Variants in PCDH19 observed in about 807,000 individuals in gnomAD.
The protein encoded by PCDH19 is protocadherin-19.
A neutral mutation model predicts 46.2 loss-of-function variants in PCDH19; 6 were observed. That is an observed-to-expected ratio of 0.13 (90% CI 0.07 to 0.26). The LOEUF is 0.26. PCDH19 is among the 10% of genes least tolerant of loss of function. The probability of loss-of-function intolerance (pLI) is 1.00; values close to 1 mark genes in which losing one functional copy is unlikely to be tolerated. For synonymous variants in PCDH19, 481 were observed against 415.7 expected (o/e 1.16, Z -1.91); for missense variants, 740 against 972.3 (o/e 0.76, Z 3.18).
chrX:100,364,644 C>A (rs1569302907), intron 3 of PCDH19, among the ~76,000 whole-genome samples: 1 of 111,896 alleles, frequency 8.9e-6, no homozygotes, highest in Non-Finnish European at 1.9e-5. Flanking sequence ...ATCTCACCCC[C>A]ACTAGGTTGG....
At chrX:100,314,402 G>A (rs1333602352) in intron 5 of PCDH19, among the ~76,000 whole-genome samples, 1 of 111,998 alleles carries the variant, frequency 8.9e-6, no homozygotes, top group Non-Finnish European at 1.9e-5. Context: ...AGACTGTCCG[G>A]ATGATATTTT....
At chrX:100,315,859 C>A (rs1925286759) in intron 5 of PCDH19, among the ~76,000 whole-genome samples, 1 of 111,779 alleles carries the variant, frequency 8.9e-6, no homozygotes, top group Non-Finnish European at 1.9e-5. Context: ...TTCAGTGAAG[C>A]ACTAATAGGC....
chrX:100,375,198 T>C (rs1037312972), intron 3 of PCDH19, among the ~76,000 whole-genome samples: 1 of 111,960 alleles, frequency 8.9e-6, no homozygotes, highest in East Asian at 2.8e-4. Flanking sequence ...ACACGTGCCA[T>C]GTTGGTGTGC....
Position 100,296,327 on chromosome X carries a change from G to A in PCDH19, c.3397C>T (p.Arg1133Cys), listed in dbSNP as rs778009939. The part of the protein sequence containing the change: ...HEVSPILKEG[R>C]NKESPGVKRL... Reference sequence around the variant, plus strand: ...TTCACACCAGGGGACTCTTTGTTGCGACCTTCCTTCAGAATGGGGCTGACC... The same window carrying A: ...TTCACACCAGGGGACTCTTTGTTGCAACCTTCCTTCAGAATGGGGCTGACC... The change falls in exon 6 of 6, where the codon CGC (arginine) becomes TGC (cysteine). Residue 1133 changes from arginine (R) to cysteine (C), a missense_variant. This residue lies in a region of PCDH19 where 416 missense variants were observed against 476.8 expected (regional missense o/e 0.87). Coordinates refer to ENST00000373034, the MANE Select transcript of PCDH19 (RefSeq NM_001184880.2). 1.7e-6 allele frequency: 2 copies of A among 1,211,349 alleles called. No homozygotes were observed. The highest frequency in any genetic ancestry group is 1.7e-5 in the African/African-American group (1 of 57,695).
At chrX:100,389,697 C>T (rs907971726) in intron 3 of PCDH19, among the ~76,000 whole-genome samples, 23 of 111,488 alleles carry the variant, frequency 2.1e-4, no homozygotes, top group African/African-American at 7.1e-4. Flanking sequence ...CCCAATAAAG[C>T]TGAAAAACAA....
intron 5 of PCDH19, among the ~76,000 whole-genome samples, chrX:100,322,865 A>ATATATATATTTTTTTTTTTTT: frequency 1.8e-5 from 1 of 54,414 alleles, no homozygotes; most frequent in African/African-American, 8.4e-5. Context: ...ATATATATAT[A>ATATATATATTTTTTTTTTTTT]TTTTTGCAGC....
At chrX:100,342,206 G>A in intron 4 of PCDH19, 131 bp from the exon 5 acceptor site, 1 of 570,447 alleles carries the variant, frequency 1.8e-6, no homozygotes, top group South Asian at 2.4e-5. Context: ...TAGGAATAAG[G>A]GGAAGAGAAA....
chrX:100,333,183 GAGAAAGAAAGAA>G lies in PCDH19; in HGVS notation c.2848+8708_2848+8719del, dbSNP rs755008766. On this transcript the variant is annotated intron_variant, in intron 5 of 5. Coordinates refer to ENST00000373034, the MANE Select transcript of PCDH19 (RefSeq NM_001184880.2). ...GAAGGAAGGAAGGAAGGGAGAGAGA[GAGAAAGAAAGAA>G]AGAAAGAAAGAAAGAAAGAAAGAAA... 0.012 allele frequency among the ~76,000 whole-genome samples: 503 copies of G among 43,431 alleles called. 19 individuals are homozygous for G. In the East Asian group the frequency reaches 0.12, roughly 10 times the overall value. The allele number at this position is 43,431 out of a possible 115,157, so 37.7% of individuals were successfully genotyped here.
intron 5 of PCDH19, among the ~76,000 whole-genome samples, chrX:100,309,161 C>CACACACAT (rs1219737186): frequency 3.7e-5 from 4 of 109,403 alleles, no homozygotes; most frequent in Non-Finnish European, 5.7e-5. Flanking sequence ...CATGCACACA[C>CACACACAT]ACACACACAC....
chrX:100,345,946 C>G (rs924801625), intron 4 of PCDH19, among the ~76,000 whole-genome samples: 6 of 111,854 alleles, frequency 5.4e-5, no homozygotes, highest in African/African-American at 1.9e-4. Context: ...GCTACTCACC[C>G]AAAACAAATA....
intron 5 of PCDH19, among the ~76,000 whole-genome samples, chrX:100,322,852 TATATATA>T (rs1283451783): frequency 2.4e-4 from 14 of 58,295 alleles, no homozygotes; most frequent in Admixed American, 9.1e-4. Context: ...TATATATATA[TATATATA>T]TATATATTTT....
intron 5 of PCDH19, among the ~76,000 whole-genome samples, chrX:100,310,134 AACAG>A (rs1196872453): frequency 8.9e-6 from 1 of 112,243 alleles, no homozygotes; most frequent in Non-Finnish European, 1.9e-5. Flanking sequence ...GAGCTGGTCA[AACAG>A]ACAAAGTTAA....
At chrX:100,375,058 G>T (rs1927331613) in intron 3 of PCDH19, among the ~76,000 whole-genome samples, 1 of 112,636 alleles carries the variant, frequency 8.9e-6, no homozygotes, top group South Asian at 3.7e-4. Flanking sequence ...AAGGTTTGGG[G>T]ACAGCATTAG....
At chrX:100,330,840 G>C (rs1322610849) in intron 5 of PCDH19, among the ~76,000 whole-genome samples, 1 of 111,971 alleles carries the variant, frequency 8.9e-6, no homozygotes, top group Non-Finnish European at 1.9e-5. Flanking sequence ...TGATAAAACA[G>C]GGTTGTCTAT....
At chrX:100,317,347 T>G (rs1925340877) in intron 5 of PCDH19, among the ~76,000 whole-genome samples, 1 of 112,057 alleles carries the variant, frequency 8.9e-6, no homozygotes, top group Non-Finnish European at 1.9e-5. Context: ...CTGAATTTAA[T>G]CCTATTTATC....
intron 5 of PCDH19, among the ~76,000 whole-genome samples, chrX:100,336,361 A>G (rs1926086996): frequency 8.9e-6 from 1 of 112,410 alleles, no homozygotes; most frequent in African/African-American, 3.2e-5. Context: ...ACAAAATTAC[A>G]TATTGTTGGT....
intron 3 of PCDH19, among the ~76,000 whole-genome samples, chrX:100,389,457 G>A (rs1020037632): frequency 9.9e-5 from 11 of 110,921 alleles, no homozygotes; most frequent in Non-Finnish European, 1.7e-4. Context: ...AAGTTCTGGA[G>A]ATTTAATGTC....
At chrX:100,353,552 A>G (rs1926627809) in intron 3 of PCDH19, among the ~76,000 whole-genome samples, 1 of 111,479 alleles carries the variant, frequency 9.0e-6, no homozygotes, top group Non-Finnish European at 1.9e-5. Context: ...GCCATAATAT[A>G]TCTCATCATG....
At position 100,296,803 on chromosome X, in the gene PCDH19, C is replaced by T. The variant is rs760375131; in HGVS notation, c.2921G>A (p.Arg974Gln). Reference protein sequence around the residue: ...LGHSDRCWMPRNPMPIRSKSP... With the variant: ...LGHSDRCWMPQNPMPIRSKSP... ...CTTGGAACGGATGGGCATGGGGTTC[C>T]GGGGCATCCAGCACCTGTCAGAGTG... The change falls in exon 6 of 6, where the codon CGG becomes CAG. Residue 974 changes from arginine (R) to glutamine (Q), a missense_variant. Arg to Gln is a conservative substitution (Grantham distance 43, BLOSUM62 1). Around this residue, in one of 5 missense-constraint regions of PCDH19, gnomAD observed 416 missense variants for 476.8 expected, o/e 0.87. Coordinates refer to ENST00000373034, the MANE Select transcript of PCDH19 (RefSeq NM_001184880.2). The T allele has an allele frequency of 3.3e-6, 4 of 1,211,297 alleles. No homozygotes were observed. In the Admixed American group the frequency reaches 6.5e-5, roughly 20 times the overall value.
Sources: gnomAD v4.1 joint callset for allele counts (sites outside exome capture counted in the v4.1 genomes callset) on GRCh38, gnomAD v4.1.1 for gene constraint, gnomAD v4.1.1 regional missense constraint, MANE v1.5 for transcripts, NCBI Gene and HGNC (gene_info 2026-07-23, HGNC 2026-07-21) for gene names.